The following MROH1 variants were observed in gnomAD, a reference collection of about 807,000 sequenced individuals.
MROH1 encodes maestro heat-like repeat-containing protein family member 1.
A neutral mutation model predicts 116.5 loss-of-function variants in MROH1; 117 were observed. The ratio of observed to expected loss-of-function variants is 1.00; its 90% CI spans 0.86 to 1.17. MROH1 has a LOEUF of 1.17. Ranked by LOEUF, MROH1 falls within the 50% of genes most tolerant of loss-of-function variation. The pLI is 0.00. For missense variants in MROH1, 1,873 were observed against 1,338.5 expected (o/e 1.40, Z -6.23); for synonymous variants, 921 against 583.9 (o/e 1.58, Z -8.32).
intron 14 of MROH1, among the ~76,000 whole-genome samples, chr8:144,227,614 C>T (rs144090744): frequency 1.3e-5 from 2 of 151,740 alleles, no homozygotes; most frequent in Non-Finnish European, 2.9e-5. Context: ...CATTATACTC[C>T]AGCCTGGGTG....
rs762262351 is a variant in MROH1 at position 144,223,129 on chromosome 8, G to T, written c.1237G>T (p.Val413Leu). The T allele has an allele frequency of 6.2e-7, 1 of 1,613,164 alleles. No individual in the cohort carries two copies. Among genetic ancestry groups the T allele is most frequent in the Non-Finnish European group, 8.5e-7 (1 of 1,179,666 alleles). ...NSKVKRAVVQ[V>L]ISAMAHHGYL... The stretch of plus-strand genomic sequence containing the variant: ...GCAGGTGAAGCGGGCAGTGGTGCAG[G>T]TGATTAGCGCCATGGCCCACCACGG... The change falls in exon 14 of 44, where the codon GTG becomes TTG. Residue 413 changes from valine to leucine, a missense_variant. Coordinates refer to ENST00000326134, the MANE Select transcript of MROH1 (RefSeq NM_032450.3).
chr8:144,183,116 G>A lies in MROH1; in HGVS notation c.562+2593G>A, dbSNP rs547453261. Among the ~76,000 whole-genome samples the A allele has an allele frequency of 3.7e-4, 56 of 152,100 alleles. 1 individual carries two copies. The highest frequency in any genetic ancestry group is 1.2e-3 in the East Asian group (6 of 5,170). On this transcript the variant is annotated intron_variant, in intron 7 of 43. Transcript: ENST00000326134. ...AAACTAGCTGGGCATGGTAGCTTAC[G>A]CCTGTAATCCCAGTACTTTGGGAGG...
chr8:144,218,088 ATTGCTGTGTC>A (rs1437254095), intron 12 of MROH1, among the ~76,000 whole-genome samples: 1 of 151,874 alleles, frequency 6.6e-6, no homozygotes, highest in Non-Finnish European at 1.5e-5. Context: ...ACTCAATTCC[ATTGCTGTGTC>A]TTGCCCCATG....
In MROH1 at chr8:144,260,019, CG is replaced by C; in HGVS notation, c.4154del (p.Arg1385ProfsTer25). The C allele has an allele frequency of 1.4e-6, 1 of 726,152 alleles. No individual in the cohort carries two copies. The highest frequency in any genetic ancestry group is 2.5e-6 in the Non-Finnish European group (1 of 396,664). 45.0% of individuals were successfully genotyped at this position (726,152 alleles called of 1,614,324 possible). ...TCASVRRLVL[R>X]GLANLASGCP... ...CGCCAGCGTGCGGAGGCTGGTGCTC[CG>C]CGGCCTGGCCAACCTGGCCTCCGGC... On this transcript the variant is annotated frameshift_variant, in exon 38 of 44. Coordinates refer to ENST00000326134, the MANE Select transcript of MROH1 (RefSeq NM_032450.3). LOFTEE classifies it high-confidence loss of function.
Position 144,238,791 on chromosome 8 carries a change from G to A in MROH1, c.1374G>A (p.Lys458=), listed in dbSNP as rs1036631794. The A allele has an allele frequency of 3.9e-6, 3 of 774,404 alleles. No homozygotes were observed. Among genetic ancestry groups the A allele is most frequent in the Non-Finnish European group, 7.2e-6 (3 of 417,692 alleles). The allele number at this position is 774,404 out of a possible 1,614,324, so 48.0% of individuals were successfully genotyped here. Residue 458 remains lysine (K), a synonymous_variant, in exon 15 of 44, where the codon AAG becomes AAA. Coordinates refer to ENST00000326134, the MANE Select transcript of MROH1 (RefSeq NM_032450.3). ...CAGGCCCCGGCAGCAAGGACCCCAAGGCCGACAGCGTGCGGGCCATCAGCG... is the reference window on the plus strand; with the variant it reads ...CAGGCCCCGGCAGCAAGGACCCCAAAGCCGACAGCGTGCGGGCCATCAGCG... ...EKPGPGSKDP[K]ADSVRAISVR... is the part of the protein sequence containing the mutation.
At position 144,247,556 on chromosome 8, in the gene MROH1, C is replaced by G. The variant is rs1842111699; in HGVS notation, c.3008-11C>G. On this transcript the variant is annotated splice_polypyrimidine_tract_variant and intron_variant, in intron 30 of 43. Transcript: ENST00000326134. ...GCCTGGGCCCGACTGCTCATTCCTG[C>G]CGCCTCTCAGGCTTCTCCCGGGACT... is the stretch of plus-strand genomic sequence containing the variant. 1 of 771,350 alleles carries G rather than the reference C, an allele frequency of 1.3e-6. No homozygotes were observed. The highest frequency in any genetic ancestry group is 1.7e-5 in the Admixed American group (1 of 58,438). The allele number at this position is 771,350 out of a possible 1,614,324, so 47.8% of individuals were successfully genotyped here.
At chr8:144,202,159 CCTGAAGTCCTG>C (rs1260673107) in intron 12 of MROH1, among the ~76,000 whole-genome samples, 1 of 152,190 alleles carries the variant, frequency 6.6e-6, no homozygotes, top group Non-Finnish European at 1.5e-5. Flanking sequence ...GCAGAAGCAG[CCTGAAGTCCTG>C]CTGCTTTGGG....
chr8:144,224,781 G>A (rs751761586), intron 14 of MROH1, among the ~76,000 whole-genome samples: 20 of 152,164 alleles, frequency 1.3e-4, no homozygotes, highest in Admixed American at 6.5e-4. Flanking sequence ...GGGGGTGAGC[G>A]GCAGCGGCAG....
At chr8:144,259,101 G>A (rs1358010156) in intron 36 of MROH1, 139 bp from the exon 37 acceptor site, 3 of 681,476 alleles carry the variant, frequency 4.4e-6, no homozygotes, top group Non-Finnish European at 8.1e-6. Context: ...AGGCAAGCTG[G>A]GAGGCATCTC....
intron 2 of MROH1, among the ~76,000 whole-genome samples, chr8:144,162,965 C>A (rs1819929261): frequency 6.6e-6 from 1 of 152,154 alleles, no homozygotes; most frequent in Admixed American, 6.5e-5. Context: ...TCAAACAATC[C>A]ACCCACCTTG....
At chr8:144,259,590 C>T (rs1844591493) in intron 37 of MROH1, among the ~76,000 whole-genome samples, 1 of 152,234 alleles carries the variant, frequency 6.6e-6, no homozygotes, top group Non-Finnish European at 1.5e-5. Flanking sequence ...GTACTCTCCC[C>T]AAGTCCAGCT....
chr8:144,242,199 C>T (rs1817106430), intron 22 of MROH1, 170 bp from the exon 23 acceptor site: 2 of 711,948 alleles, frequency 2.8e-6, no homozygotes, highest in Non-Finnish European at 5.1e-6. Flanking sequence ...AAGAGGCTCT[C>T]CCCATCCCCA....
In MROH1 at chr8:144,219,152, A is replaced by G. The variant is rs191296246; in HGVS notation, c.1142-1448A>G. Among the ~76,000 whole-genome samples, 354 of 151,508 alleles carry G rather than the reference A, an allele frequency of 2.3e-3. 2 individuals carry two copies. The highest frequency in any genetic ancestry group is 8.3e-3 in the African/African-American group (343 of 41,292). The stretch of plus-strand genomic sequence containing the variant: ...ATTCTCCTGCCTCAGCCTCCCAAGT[A>G]GCTGGGACTACAGGCATCCACCACC... On this transcript the variant is annotated intron_variant, in intron 12 of 43. Transcript: ENST00000326134.
intron 12 of MROH1, among the ~76,000 whole-genome samples, chr8:144,216,270 C>G (rs560008742): frequency 1.3e-5 from 2 of 151,374 alleles, no homozygotes; most frequent in Non-Finnish European, 2.9e-5. Flanking sequence ...GTCAGGAGAG[C>G]GAGACCATCC....
At chr8:144,195,911 C>T (rs1829785436) in intron 10 of MROH1, among the ~76,000 whole-genome samples, 1 of 152,114 alleles carries the variant, frequency 6.6e-6, no homozygotes, top group Non-Finnish European at 1.5e-5. Context: ...TTTGGCCATA[C>T]AAAGTTGTTT....
chr8:144,174,636 C>T (rs1823366340), intron 4 of MROH1, among the ~76,000 whole-genome samples: 1 of 152,026 alleles, frequency 6.6e-6, no homozygotes, highest in Non-Finnish European at 1.5e-5. Context: ...GGCGCACCAC[C>T]ACACCTGGCT....
intron 3 of MROH1, among the ~76,000 whole-genome samples, chr8:144,167,485 G>A (rs551295926): frequency 1.4e-5 from 2 of 139,250 alleles, no homozygotes; most frequent in Admixed American, 1.4e-4. Flanking sequence ...TGGAGTGGCC[G>A]GTTGTTGGGT....
chr8:144,220,875 G>A (rs1402325650), intron 13 of MROH1, among the ~76,000 whole-genome samples: 1 of 152,158 alleles, frequency 6.6e-6, no homozygotes, highest in East Asian at 1.9e-4. Flanking sequence ...CAGTCCCCAA[G>A]GCCACCCTAC....
intron 7 of MROH1, among the ~76,000 whole-genome samples, chr8:144,189,964 A>G (rs1292881377): frequency 1.3e-5 from 2 of 152,102 alleles, no homozygotes; most frequent in Non-Finnish European, 2.9e-5. Flanking sequence ...ACAGAAATGT[A>G]TTTTCTCACA....
Sources: allele counts gnomAD v4.1 joint callset (sites outside exome capture counted in the v4.1 genomes callset), GRCh38; gene constraint gnomAD v4.1.1; transcripts MANE v1.5; gene names NCBI Gene and HGNC (gene_info 2026-07-23, HGNC 2026-07-21).